Variants in HOMER2 observed in about 807,000 individuals in gnomAD.
The protein encoded by HOMER2 is homer protein homolog 2.
Under a neutral mutation model 47.0 loss-of-function variants are expected in HOMER2, and 27 were observed. That is an observed-to-expected ratio of 0.57 (90% CI 0.42 to 0.79). The LOEUF is 0.79. Among genes scored for constraint, HOMER2 ranks in the 30% least tolerant of loss-of-function variants. The pLI, the probability that HOMER2 is intolerant of heterozygous loss-of-function variation, is 0.00. For missense variants in HOMER2, 443 were observed against 435.0 expected (o/e 1.02, Z -0.16); for synonymous variants, 161 against 163.8 (o/e 0.98, Z 0.13).
At chr15:82,858,563 T>TGGGATTACA (rs947720039) in intron 5 of HOMER2, among the ~76,000 whole-genome samples, 15 of 152,182 alleles carry the variant, frequency 9.9e-5, no homozygotes, top group Admixed American at 2.0e-4. Flanking sequence ...TCCAAAATGT[T>TGGGATTACA]GGGATTACAG....
upstream of HOMER2, among the ~76,000 whole-genome samples, chr15:82,955,969 G>A (rs2054583993): frequency 6.6e-6 from 1 of 152,150 alleles, no homozygotes; most frequent in African/African-American, 2.4e-5. Flanking sequence ...GCTGGGTGTG[G>A]TGGCTCATGA....
intron 1 of HOMER2, among the ~76,000 whole-genome samples, chr15:82,976,407 C>T (rs1323904406): frequency 6.6e-6 from 1 of 151,928 alleles, no homozygotes; most frequent in Non-Finnish European, 1.5e-5. Context: ...AAGCGATGCT[C>T]CTGCCTTAGC....
chr15:82,916,913 T>A (rs1356624820), intron 1 of HOMER2, among the ~76,000 whole-genome samples: 1 of 152,112 alleles, frequency 6.6e-6, no homozygotes, highest in Non-Finnish European at 1.5e-5. Context: ...GTGATTATCC[T>A]GCCTCAACCT....
intron 6 of HOMER2, among the ~76,000 whole-genome samples, chr15:82,853,262 C>T (rs1202329751): frequency 1.4e-5 from 1 of 73,174 alleles, no homozygotes; most frequent in Non-Finnish European, 3.1e-5. Context: ...TCCTCCACTC[C>T]CCCCGCACTG....
At chr15:82,863,916 G>A (rs1033275504) in intron 4 of HOMER2, among the ~76,000 whole-genome samples, 6 of 152,350 alleles carry the variant, frequency 3.9e-5, no homozygotes, top group African/African-American at 1.4e-4. Flanking sequence ...AGTGACCACA[G>A]AATGTCTCTC....
rs1276885533 is a variant in HOMER2 at position 82,934,066 on chromosome 15, T to G, written c.5+18465A>C. On this transcript the variant is annotated intron_variant, in intron 1 of 8. Transcript: ENST00000450735. Reference sequence around the variant, plus strand: ...GCCTCAGCATCCCTGGCCAGAACACTCTCTTCACTTTCATGCCTTACTGGA... The same window carrying G: ...GCCTCAGCATCCCTGGCCAGAACACGCTCTTCACTTTCATGCCTTACTGGA... Among the ~76,000 whole-genome samples, 3 of 151,982 alleles carry G rather than the reference T, an allele frequency of 2.0e-5. No individual in the cohort carries two copies. The East Asian group carries it at 5.8e-4, about 29-fold the overall frequency.
chr15:82,889,776 G>C lies in HOMER2; in HGVS notation c.162+2909C>G, dbSNP rs1007397765. ...AGGCACAGGGTATGATCTAGACCTA[G>C]GCTGCTGGGTTTACAGGTTGCTGCC... On this transcript the variant is annotated intron_variant, in intron 2 of 8. Transcript: ENST00000450735. Among the ~76,000 whole-genome samples the C allele has an allele frequency of 6.0e-4, 91 of 152,178 alleles. 1 individual carries two copies. Among genetic ancestry groups the C allele is most frequent in the African/African-American group, 2.0e-3 (84 of 41,430 alleles).
At chr15:82,879,760 G>C (rs1396767065) in intron 2 of HOMER2, among the ~76,000 whole-genome samples, 7 of 152,124 alleles carry the variant, frequency 4.6e-5, no homozygotes, top group Admixed American at 4.6e-4. Context: ...AACAATATTT[G>C]CTGCATTGGT....
chr15:82,933,670 C>T (rs1018884116), intron 1 of HOMER2, among the ~76,000 whole-genome samples: 2 of 152,332 alleles, frequency 1.3e-5, no homozygotes, highest in South Asian at 2.1e-4. Flanking sequence ...CAGAACCAAA[C>T]GCAGGGTTCT....
chr15:82,902,160 G>T (rs1023585540), intron 1 of HOMER2, among the ~76,000 whole-genome samples: 1 of 150,454 alleles, frequency 6.6e-6, no homozygotes, highest in African/African-American at 2.4e-5. Context: ...ATTCACATAT[G>T]AACTCCACAA....
chr15:82,846,617 T>A (rs2051252521), downstream of HOMER2: 1 of 148,018 alleles, frequency 6.8e-6, no homozygotes. Flanking sequence ...CCTGGGCGTG[T>A]CACTTTCTCT....
At chr15:82,889,220 A>C (rs2052634788) in intron 2 of HOMER2, among the ~76,000 whole-genome samples, 1 of 152,212 alleles carries the variant, frequency 6.6e-6, no homozygotes, top group South Asian at 2.1e-4. Context: ...TCAAAGGCCT[A>C]AAACAAAGTG....
chr15:82,877,968 C>T (rs1042067770), intron 2 of HOMER2, among the ~76,000 whole-genome samples: 3 of 152,152 alleles, frequency 2.0e-5, no homozygotes, highest in Admixed American at 6.5e-5. Flanking sequence ...GGAACCAAGA[C>T]AGACCTAAGG....
chr15:82,857,469 C>T (rs1401037089), intron 5 of HOMER2, among the ~76,000 whole-genome samples: 14 of 120,258 alleles, frequency 1.2e-4, no homozygotes, highest in African/African-American at 3.7e-4. Context: ...CTTGCTCTGT[C>T]GACCCGGCTG....
chr15:82,947,762 G>A (rs1484771699), intron 1 of HOMER2, among the ~76,000 whole-genome samples: 5 of 152,170 alleles, frequency 3.3e-5, no homozygotes, highest in Non-Finnish European at 5.9e-5. Context: ...CAGCATCCAA[G>A]CAAGGCTGCC....
intron 2 of HOMER2, among the ~76,000 whole-genome samples, chr15:82,891,016 C>A (rs948623231): frequency 6.6e-6 from 1 of 152,194 alleles, no homozygotes; most frequent in South Asian, 2.1e-4. Context: ...CAGGCACTAG[C>A]ACACTTCCTT....
intron 1 of HOMER2, among the ~76,000 whole-genome samples, chr15:82,932,810 C>A (rs1478463649): frequency 6.6e-6 from 1 of 152,124 alleles, no homozygotes; most frequent in African/African-American, 2.4e-5. Flanking sequence ...AAGCTTTTGG[C>A]GGCATCACAG....
At chr15:82,895,055 A>T (rs1236489276) in intron 1 of HOMER2, among the ~76,000 whole-genome samples, 1 of 152,214 alleles carries the variant, frequency 6.6e-6, no homozygotes, top group Non-Finnish European at 1.5e-5. Context: ...TTTTGAAGAA[A>T]TGCAGCAATC....
intron 1 of HOMER2, among the ~76,000 whole-genome samples, chr15:82,932,606 T>C (rs565995677): frequency 1.3e-5 from 2 of 151,906 alleles, no homozygotes; most frequent in South Asian, 2.1e-4. Context: ...AGAGGAGTAA[T>C]TGAGGCCCCA....
Sources: gnomAD v4.1 joint callset for allele counts (sites outside exome capture counted in the v4.1 genomes callset) on GRCh38, gnomAD v4.1.1 for gene constraint, MANE v1.5 for transcripts, NCBI Gene and HGNC (gene_info 2026-07-23, HGNC 2026-07-21) for gene names.